PTPRT: variants seen among roughly 807,000 people sequenced by gnomAD.
The protein encoded by PTPRT is protein tyrosine phosphatase receptor type T.
In PTPRT, 56 loss-of-function variants were observed where a neutral mutation model predicts 176.8. That is an observed-to-expected ratio of 0.32 (90% CI 0.26 to 0.40). The LOEUF (loss-of-function observed/expected upper bound fraction) is 0.40. Ranked by LOEUF, PTPRT falls within the 10% of genes least tolerant of loss-of-function variation. PTPRT has a pLI of 1.00. For missense variants in PTPRT, 1,540 were observed against 1,908.2 expected (o/e 0.81, Z 3.60); for synonymous variants, 783 against 739.0 (o/e 1.06, Z -0.96).
At chr20:42,946,637 T>G (rs2146004808) in intron 1 of PTPRT, among the ~76,000 whole-genome samples, 2 of 152,284 alleles carry the variant, frequency 1.3e-5, no homozygotes, top group South Asian at 4.1e-4. Flanking sequence ...AAATTCAGTC[T>G]CAGCACAAAA....
chr20:42,263,482 G>T (rs1160547804), intron 13 of PTPRT, among the ~76,000 whole-genome samples: 1 of 142,454 alleles, frequency 7.0e-6, no homozygotes, highest in Non-Finnish European at 1.5e-5. Flanking sequence ...CCGGCTTCAA[G>T]TGATTCTCCT....
intron 13 of PTPRT, among the ~76,000 whole-genome samples, chr20:42,278,389 AAAG>A (rs1159996827): frequency 6.6e-6 from 1 of 151,706 alleles, no homozygotes; most frequent in South Asian, 2.1e-4. Context: ...TGAAAAACTG[AAAG>A]AAGACCAGTG....
At chr20:42,530,064 A>G (rs1054675259) in intron 7 of PTPRT, among the ~76,000 whole-genome samples, 7 of 152,206 alleles carry the variant, frequency 4.6e-5, no homozygotes, top group Admixed American at 4.6e-4. Flanking sequence ...TTGATCCTGG[A>G]TGAGTTTATA....
chr20:42,145,681 T>C lies in PTPRT; in HGVS notation c.2683-3679A>G, dbSNP rs796672540. Among the ~76,000 whole-genome samples the C allele has an allele frequency of 1.3e-5, 2 of 152,252 alleles. 1 individual carries two copies. The highest frequency in any genetic ancestry group is 4.8e-5 in the African/African-American group (2 of 41,550). On this transcript the variant is annotated intron_variant, in intron 17 of 30. Transcript: ENST00000373187. Reference sequence around the variant, plus strand: ...ATTCTGCTACCTAGCAACTGAAGATTCATTAGAGGGCACAGGAAGGAGTTC... The same window carrying C: ...ATTCTGCTACCTAGCAACTGAAGATCCATTAGAGGGCACAGGAAGGAGTTC...
At chr20:43,144,199 T>C (rs889705999) in intron 1 of PTPRT, among the ~76,000 whole-genome samples, 2 of 152,124 alleles carry the variant, frequency 1.3e-5, no homozygotes, top group African/African-American at 4.8e-5. Context: ...ACTCAAATAC[T>C]CAACTGCTCA....
intron 1 of PTPRT, among the ~76,000 whole-genome samples, chr20:43,061,082 AAATG>A (rs1291932958): frequency 1.8e-5 from 2 of 113,882 alleles, no homozygotes; most frequent in African/African-American, 3.1e-5. Context: ...ATGGGCGGAT[AAATG>A]AATGGATGGA....
At chr20:42,594,127 A>G (rs559458012) in intron 7 of PTPRT, among the ~76,000 whole-genome samples, 4 of 152,296 alleles carry the variant, frequency 2.6e-5, no homozygotes, top group South Asian at 4.1e-4. Flanking sequence ...CCGGAGACCA[A>G]CGTGAAGGGA....
At chr20:42,287,909 T>C (rs1048357405) in intron 12 of PTPRT, among the ~76,000 whole-genome samples, 3 of 151,834 alleles carry the variant, frequency 2.0e-5, no homozygotes, top group Non-Finnish European at 4.4e-5. Flanking sequence ...ATCTACATAG[T>C]AGAATATTAT....
chr20:43,073,266 T>C (rs2011205107), intron 1 of PTPRT, among the ~76,000 whole-genome samples: 1 of 152,208 alleles, frequency 6.6e-6, no homozygotes, highest in Admixed American at 6.5e-5. Flanking sequence ...ACATTGTAGA[T>C]CACATTCTGT....
intron 6 of PTPRT, among the ~76,000 whole-genome samples, chr20:42,732,208 A>T (rs2076472276): frequency 6.6e-6 from 1 of 152,216 alleles, no homozygotes; most frequent in African/African-American, 2.4e-5. Flanking sequence ...TGATAACCAC[A>T]TTTCAAGTGT....
chr20:42,057,313 G>A, the PTPRT span, among the ~76,000 whole-genome samples: 3 of 152,106 alleles, frequency 2.0e-5, no homozygotes, highest in South Asian at 4.1e-4. Context: ...GAGGTCTAGA[G>A]ACAGGATGAT....
rs1982981095 is a variant in PTPRT at position 42,078,342 on chromosome 20, C to T, written c.*2537G>A. 4.7e-6 allele frequency: 1 copy of T among 211,408 alleles called. No homozygotes were observed. Among genetic ancestry groups the T allele is most frequent in the Non-Finnish European group, 9.6e-6 (1 of 104,054 alleles). 13.1% of individuals were successfully genotyped at this position (211,408 alleles called of 1,614,324 possible). A position where few individuals can be genotyped will look rare whatever the true frequency, so the allele number is the denominator to read the frequency against. On this transcript the variant is annotated 3_prime_UTR_variant, in exon 31 of 31. Coordinates refer to ENST00000373187, the MANE Select transcript of PTPRT (RefSeq NM_007050.6). ...GTCGGCTCCTTTCATGTTCCATCCT[C>T]ATGGGCCTGGAGATCTGGGTTGGTG...
intron 7 of PTPRT, among the ~76,000 whole-genome samples, chr20:42,623,757 T>C (rs147782892): frequency 2.7e-4 from 41 of 152,160 alleles, no homozygotes; most frequent in African/African-American, 9.9e-4. Context: ...TTCAGGAGAC[T>C]CCTGATTTTC....
At chr20:43,151,040 C>T (rs1242611575) in intron 1 of PTPRT, among the ~76,000 whole-genome samples, 1 of 152,138 alleles carries the variant, frequency 6.6e-6, no homozygotes, top group Non-Finnish European at 1.5e-5. Flanking sequence ...GGTGTGGTGG[C>T]TCACGCCTGT....
intron 7 of PTPRT, among the ~76,000 whole-genome samples, chr20:42,662,986 G>A (rs201226446): frequency 1.4e-5 from 2 of 143,072 alleles, no homozygotes; most frequent in East Asian, 2.0e-4. Flanking sequence ...GTGTGTGTGT[G>A]TATGTGTGTG....
At chr20:42,206,209 C>G (rs537440416) in intron 15 of PTPRT, among the ~76,000 whole-genome samples, 1 of 152,310 alleles carries the variant, frequency 6.6e-6, no homozygotes, top group South Asian at 2.1e-4. Flanking sequence ...CCCACTGACT[C>G]AGAATTACTG....
chr20:42,746,267 A>G (rs1300236229), intron 6 of PTPRT, among the ~76,000 whole-genome samples: 2 of 152,118 alleles, frequency 1.3e-5, no homozygotes, highest in Non-Finnish European at 2.9e-5. Flanking sequence ...CCCTCCACAC[A>G]TATGTTCAAG....
intron 1 of PTPRT, among the ~76,000 whole-genome samples, chr20:43,040,622 A>G (rs1473262966): frequency 6.6e-6 from 1 of 152,282 alleles, no homozygotes; most frequent in African/African-American, 2.4e-5. Context: ...GTCCTGAAAG[A>G]TGGGAATACC....
intron 9 of PTPRT, among the ~76,000 whole-genome samples, chr20:42,437,155 T>C (rs189824292): frequency 6.6e-6 from 1 of 152,304 alleles, no homozygotes; most frequent in Non-Finnish European, 1.5e-5. Flanking sequence ...TCTGGTTGTC[T>C]TTTAGTTGGT....
Sources: gnomAD v4.1 joint callset for allele counts (sites outside exome capture counted in the v4.1 genomes callset) on GRCh38, gnomAD v4.1.1 for gene constraint, MANE v1.5 for transcripts, NCBI Gene and HGNC (gene_info 2026-07-23, HGNC 2026-07-21) for gene names.